The following EIF3H variants were observed in gnomAD, a reference collection of about 807,000 sequenced individuals.
EIF3H encodes eIF-3-gamma.
A neutral mutation model predicts 44.2 loss-of-function variants in EIF3H; 26 were observed. That is an observed-to-expected ratio of 0.59 (90% CI 0.43 to 0.82). The LOEUF (loss-of-function observed/expected upper bound fraction) is 0.82. Ranked by LOEUF, EIF3H falls within the 40% of genes least tolerant of loss-of-function variation. The probability of loss-of-function intolerance (pLI) is 0.00; values close to 1 mark genes in which losing one functional copy is unlikely to be tolerated. For synonymous variants in EIF3H, 166 were observed against 151.9 expected (o/e 1.09, Z -0.68); for missense variants, 359 against 432.8 (o/e 0.83, Z 1.51).
At chr8:116,694,479 T>A (rs1586460332) in intron 2 of EIF3H, among the ~76,000 whole-genome samples, 1 of 152,342 alleles carries the variant, frequency 6.6e-6, no homozygotes, top group African/African-American at 2.4e-5. Flanking sequence ...ATTTGATTAG[T>A]AAAAAAATCA....
At chr8:116,737,279 G>A in intron 1 of EIF3H, 1 of 443,716 alleles carries the variant, frequency 2.3e-6, no homozygotes, top group South Asian at 1.6e-5. Context: ...CGTACTTGAA[G>A]GCATTTCCCT....
intron 2 of EIF3H, among the ~76,000 whole-genome samples, chr8:116,674,320 G>GT (rs1329044358): frequency 6.9e-6 from 1 of 144,412 alleles, no homozygotes; most frequent in East Asian, 2.1e-4. Flanking sequence ...GGGGGTGGAG[G>GT]TGGGGGGGGG....
At chr8:116,645,339 T>A (rs1280889701) in intron 7 of EIF3H, among the ~76,000 whole-genome samples, 1 of 152,224 alleles carries the variant, frequency 6.6e-6, no homozygotes, top group East Asian at 1.9e-4. Flanking sequence ...TTATCAGCCC[T>A]AAGGACATAA....
intron 1 of EIF3H, among the ~76,000 whole-genome samples, chr8:116,739,380 A>G (rs967568160): frequency 6.6e-6 from 1 of 152,248 alleles, no homozygotes; most frequent in Non-Finnish European, 1.5e-5. Context: ...GCCGGGCGCC[A>G]TGGCTCACGC....
intron 4 of EIF3H, 74 bp from the exon 5 acceptor site, chr8:116,656,079 A>T: frequency 7.1e-7 from 1 of 1,416,724 alleles, no homozygotes; most frequent in Non-Finnish European, 9.7e-7. Context: ...CATAAAATTT[A>T]CCTAATTACA....
chr8:116,731,447 T>C (rs1371273845), intron 1 of EIF3H, among the ~76,000 whole-genome samples: 1 of 152,200 alleles, frequency 6.6e-6, no homozygotes, highest in Admixed American at 6.5e-5. Context: ...CTAGCTTTCC[T>C]TTGTTTTTGT....
chr8:116,663,626 T>A (rs1217341460), intron 2 of EIF3H, among the ~76,000 whole-genome samples: 3 of 152,080 alleles, frequency 2.0e-5, no homozygotes, highest in African/African-American at 7.2e-5. Flanking sequence ...ATGCAACACA[T>A]AAATTTCAAA....
chr8:116,668,118 T>C (rs899171755), intron 2 of EIF3H, among the ~76,000 whole-genome samples: 3 of 152,252 alleles, frequency 2.0e-5, no homozygotes, highest in Non-Finnish European at 4.4e-5. Context: ...ACTCGGGTTA[T>C]AATAGTCAAC....
chr8:116,681,869 T>C (rs1054409833), intron 2 of EIF3H, among the ~76,000 whole-genome samples: 1 of 152,194 alleles, frequency 6.6e-6, no homozygotes, highest in Non-Finnish European at 1.5e-5. Flanking sequence ...TTCTGTTCTC[T>C]AATTCATAAC....
chr8:116,755,463 G>A (rs1205167666), intron 1 of EIF3H, among the ~76,000 whole-genome samples: 1 of 152,116 alleles, frequency 6.6e-6, no homozygotes, highest in Non-Finnish European at 1.5e-5. Context: ...CCTTCCTGAA[G>A]CCCCAACTGT....
At chr8:116,734,385 G>C (rs1158199374) in intron 1 of EIF3H, 1 of 455,734 alleles carries the variant, frequency 2.2e-6, no homozygotes. Flanking sequence ...GACGACTATG[G>C]ATTTTTAATC....
Position 116,645,008 on chromosome 8 carries a change from AGTT to A in EIF3H, c.1054_1056del (p.Asn352del), listed in dbSNP as rs752610701. 4 of 1,612,920 alleles carry A rather than the reference AGTT, an allele frequency of 2.5e-6. No individual in the cohort carries two copies. The highest frequency in any genetic ancestry group is 3.4e-6 in the Non-Finnish European group (4 of 1,179,166). ...TCTTTTCTGGAAACTTCCTTTTCTT[AGTT>A]GTTGTATTCTTGAAGAGCCTGGGCC... On this transcript the variant is annotated inframe_deletion, in exon 8 of 8. Coordinates refer to ENST00000521861, the MANE Select transcript of EIF3H (RefSeq NM_003756.3).
chr8:116,695,801 A>G (rs1814261151), intron 2 of EIF3H, among the ~76,000 whole-genome samples: 1 of 152,182 alleles, frequency 6.6e-6, no homozygotes, highest in South Asian at 2.1e-4. Context: ...GCAGAAATAA[A>G]TTAGTTACAT....
intron 2 of EIF3H, among the ~76,000 whole-genome samples, chr8:116,701,683 G>A (rs1814377732): frequency 6.6e-6 from 1 of 152,120 alleles, no homozygotes; most frequent in Non-Finnish European, 1.5e-5. Flanking sequence ...CTACAATCAT[G>A]AGAAAACATC....
At chr8:116,716,507 C>G (rs555843253) in intron 2 of EIF3H, among the ~76,000 whole-genome samples, 1 of 152,124 alleles carries the variant, frequency 6.6e-6, no homozygotes, top group Non-Finnish European at 1.5e-5. Flanking sequence ...AAGGTAACAT[C>G]AAGAACAAAT....
rs192399168 is a variant in EIF3H, at chr8:116,660,021, G to A, written c.290-1041C>T. On this transcript the variant is annotated intron_variant, in intron 2 of 7. Coordinates refer to ENST00000521861, the MANE Select transcript of EIF3H (RefSeq NM_003756.3). The stretch of plus-strand genomic sequence containing the variant: ...TTTGATTTAGCCTCCCAAGTAGCTG[G>A]GACTACAGGTGTGAACCACCGCACC... Among the ~76,000 whole-genome samples the A allele has an allele frequency of 1.4e-4, 22 of 152,044 alleles. No homozygotes were observed. The East Asian group carries it at 4.1e-3, about 28-fold the overall frequency.
chr8:116,716,911 T>C (rs947562232), intron 2 of EIF3H, among the ~76,000 whole-genome samples: 1 of 152,084 alleles, frequency 6.6e-6, no homozygotes, highest in African/African-American at 2.4e-5. Context: ...CTGAAATATA[T>C]ACTCATTAAA....
chr8:116,727,714 G>C (rs1411325322), intron 1 of EIF3H, among the ~76,000 whole-genome samples: 1 of 152,108 alleles, frequency 6.6e-6, no homozygotes, highest in Non-Finnish European at 1.5e-5. Context: ...TTAATGTCTT[G>C]AACATTTTAA....
At chr8:116,699,586 C>G (rs1311676311) in intron 2 of EIF3H, among the ~76,000 whole-genome samples, 1 of 152,126 alleles carries the variant, frequency 6.6e-6, no homozygotes, top group Non-Finnish European at 1.5e-5. Context: ...GTTGAAAAAC[C>G]ATTGGGTACT....
Sources: gnomAD v4.1 joint callset for allele counts (sites outside exome capture counted in the v4.1 genomes callset) on GRCh38, gnomAD v4.1.1 for gene constraint, MANE v1.5 for transcripts, NCBI Gene and HGNC (gene_info 2026-07-23, HGNC 2026-07-21) for gene names.